RBBP8: variants seen among roughly 807,000 people sequenced by gnomAD.
RBBP8 encodes the protein RB binding protein 8, endonuclease, also known as DNA endonuclease RBBP8.
In RBBP8, 88 loss-of-function variants were observed where a neutral mutation model predicts 108.3. The observed-to-expected ratio is 0.81, with a 90% CI of 0.68 to 0.97. The LOEUF (loss-of-function observed/expected upper bound fraction) is 0.97, where lower values mean the gene tolerates loss of function less well. Among genes scored for constraint, RBBP8 ranks in the 50% least tolerant of loss-of-function variants. The pLI, the probability that RBBP8 is intolerant of heterozygous loss-of-function variation, is 0.00. For missense variants in RBBP8, 1,023 were observed against 1,049.0 expected (o/e 0.98, Z 0.34); for synonymous variants, 332 against 348.2 (o/e 0.95, Z 0.52).
At chr18:23,001,503 G>A (rs1257868363) in intron 14 of RBBP8, 83 bp from the exon 15 acceptor site, 2 of 1,463,310 alleles carry the variant, frequency 1.4e-6, no homozygotes, top group Non-Finnish European at 1.9e-6. Context: ...CTGTTATTGT[G>A]TGGTAGTTAC....
At chr18:22,965,838 T>C (rs1913533045) in intron 4 of RBBP8, among the ~76,000 whole-genome samples, 1 of 152,208 alleles carries the variant, frequency 6.6e-6, no homozygotes, top group South Asian at 2.1e-4. Flanking sequence ...TACTGTCTAA[T>C]AGCATTTTCT....
chr18:22,938,327 T>C (rs1910758653), intron 2 of RBBP8, among the ~76,000 whole-genome samples: 2 of 151,900 alleles, frequency 1.3e-5, no homozygotes, highest in African/African-American at 4.8e-5. Flanking sequence ...TTTTTAAACT[T>C]ATCCTTCACC....
intron 16 of RBBP8, among the ~76,000 whole-genome samples, chr18:23,013,186 AAG>A (rs564293820): frequency 3.0e-4 from 45 of 152,318 alleles, no homozygotes; most frequent in African/African-American, 1.0e-3. Context: ...ATAGTAGAGA[AAG>A]AGTGTAATAA....
At chr18:22,975,562 A>G (rs1333129660) in intron 6 of RBBP8, among the ~76,000 whole-genome samples, 5 of 152,102 alleles carry the variant, frequency 3.3e-5, no homozygotes, top group Non-Finnish European at 2.9e-5. Flanking sequence ...GGCAAACTGA[A>G]TAAGTGTTTC....
intron 14 of RBBP8, among the ~76,000 whole-genome samples, chr18:22,998,830 A>G (rs2045900978): frequency 6.6e-6 from 1 of 152,236 alleles, no homozygotes; most frequent in East Asian, 1.9e-4. Flanking sequence ...ATAGCAAACC[A>G]TATGATGAAG....
intron 16 of RBBP8, among the ~76,000 whole-genome samples, chr18:23,011,532 G>A (rs1479032541): frequency 6.6e-6 from 1 of 151,512 alleles, no homozygotes; most frequent in Non-Finnish European, 1.5e-5. Flanking sequence ...TGCCTCCCGG[G>A]TTCATGCCAT....
chr18:22,977,105 T>G (rs1216114161), intron 6 of RBBP8, among the ~76,000 whole-genome samples: 1 of 152,080 alleles, frequency 6.6e-6, no homozygotes, highest in East Asian at 1.9e-4. Context: ...GATTGTGTCT[T>G]TTATTCTCTT....
Position 23,011,343 on chromosome 18 carries a change from T to A in RBBP8, c.2357+4911T>A, listed in dbSNP as rs142209593. Among the ~76,000 whole-genome samples, 283 of 152,328 alleles carry A rather than the reference T, an allele frequency of 1.9e-3. 4 individuals carry two copies. The East Asian group carries it at 0.043, about 23-fold the overall frequency. ...TTTCCAACAACATGTGCTTACTTCATGTTTCTGTGTCACATTTTAGTAATT... is the reference window on the plus strand; with the variant it reads ...TTTCCAACAACATGTGCTTACTTCAAGTTTCTGTGTCACATTTTAGTAATT... On this transcript the variant is annotated intron_variant, in intron 16 of 18. Coordinates refer to ENST00000327155, the MANE Select transcript of RBBP8 (RefSeq NM_002894.3).
Position 22,998,813 on chromosome 18 carries a change from A to G in RBBP8, c.2143+1079A>G, listed in dbSNP as rs537693101. 5.3e-5 allele frequency among the ~76,000 whole-genome samples: 8 copies of G among 152,376 alleles called. No individual in the cohort carries two copies. The South Asian group carries it at 1.0e-3, about 20-fold the overall frequency. On this transcript the variant is annotated intron_variant, in intron 14 of 18. Coordinates refer to ENST00000327155, the MANE Select transcript of RBBP8 (RefSeq NM_002894.3). ...TAGTCTTTGCCTTATTTGTTCTTCA[A>G]TGACAAATAGCAAACCATATGATGA...
chr18:22,960,238 T>C (rs1193781669), intron 4 of RBBP8, among the ~76,000 whole-genome samples: 4 of 152,198 alleles, frequency 2.6e-5, no homozygotes, highest in East Asian at 3.8e-4. Flanking sequence ...GATAAAATTC[T>C]CATAACATAC....
intron 14 of RBBP8, among the ~76,000 whole-genome samples, chr18:23,000,984 A>G (rs1401046930): frequency 6.6e-6 from 1 of 152,196 alleles, no homozygotes; most frequent in African/African-American, 2.4e-5. Context: ...TGCAACTAAT[A>G]TTCTTAGAAT....
chr18:22,933,765 A>G (rs578006344), intron 1 of RBBP8: 164 of 151,664 alleles, frequency 1.1e-3, no homozygotes, highest in African/African-American at 3.6e-3. Flanking sequence ...CCTCAGTACT[A>G]CTTCTGGGTC....
chr18:22,962,782 G>T lies in RBBP8; in HGVS notation c.249-6024G>T, dbSNP rs564507014. 2.7e-5 allele frequency among the ~76,000 whole-genome samples: 4 copies of T among 148,336 alleles called. No homozygotes were observed. In the Admixed American group the frequency reaches 2.8e-4, roughly 10 times the overall value. On this transcript the variant is annotated intron_variant, in intron 4 of 18. Coordinates refer to ENST00000327155, the MANE Select transcript of RBBP8 (RefSeq NM_002894.3). ...CCAGCTAATTTTTCTGATATTTTTCGTACGGACAGGGTTTCACCATGTTGG... is the reference window on the plus strand; with the variant it reads ...CCAGCTAATTTTTCTGATATTTTTCTTACGGACAGGGTTTCACCATGTTGG...
chr18:22,943,771 T>A (rs930691264), intron 2 of RBBP8, among the ~76,000 whole-genome samples: 5 of 151,862 alleles, frequency 3.3e-5, no homozygotes, highest in Non-Finnish European at 7.4e-5. Flanking sequence ...TACATACATT[T>A]TATATATATA....
intron 4 of RBBP8, among the ~76,000 whole-genome samples, chr18:22,956,519 T>TCC (rs1912560872): frequency 6.6e-6 from 1 of 152,152 alleles, no homozygotes; most frequent in Admixed American, 6.5e-5. Context: ...TTTGTTTTTA[T>TCC]AGAGACTGTC....
chr18:22,981,639 T>C (rs1914938173), intron 6 of RBBP8, among the ~76,000 whole-genome samples: 1 of 152,246 alleles, frequency 6.6e-6, no homozygotes, highest in South Asian at 2.1e-4. Context: ...ATGCTAATTC[T>C]ACTACCATGA....
At chr18:22,994,146 G>A (rs553332946) in intron 12 of RBBP8, among the ~76,000 whole-genome samples, 3 of 140,946 alleles carry the variant, frequency 2.1e-5, no homozygotes, top group Admixed American at 7.5e-5. Flanking sequence ...TCAGCCTCCC[G>A]AGTAGCTGGG....
At chr18:22,990,900 C>T in intron 9 of RBBP8, 37 bp from the exon 10 acceptor site, 1 of 1,464,616 alleles carries the variant, frequency 6.8e-7, no homozygotes, top group South Asian at 1.1e-5. Flanking sequence ...TGAACAAATC[C>T]CATTACATGG....
chr18:22,956,516 T>C (rs1005652095), intron 4 of RBBP8, among the ~76,000 whole-genome samples: 1 of 152,162 alleles, frequency 6.6e-6, no homozygotes, highest in Non-Finnish European at 1.5e-5. Context: ...TTTTTTGTTT[T>C]TATAGAGACT....
Sources: gnomAD v4.1 joint callset for allele counts (sites outside exome capture counted in the v4.1 genomes callset) on GRCh38, gnomAD v4.1.1 for gene constraint, MANE v1.5 for transcripts, NCBI Gene and HGNC (gene_info 2026-07-23, HGNC 2026-07-21) for gene names.